The following DPP10 variants were observed in gnomAD, a reference collection of about 807,000 sequenced individuals.
DPP10 encodes inactive dipeptidyl peptidase 10.
A neutral mutation model predicts 120.9 loss-of-function variants in DPP10; 33 were observed. That is an observed-to-expected ratio of 0.27 (90% CI 0.21 to 0.37). The LOEUF (loss-of-function observed/expected upper bound fraction) is 0.37, where lower values mean the gene tolerates loss of function less well. DPP10 is among the 10% of genes least tolerant of loss of function. The probability of loss-of-function intolerance (pLI) is 1.00; values close to 1 mark genes in which losing one functional copy is unlikely to be tolerated. For synonymous variants in DPP10, 337 were observed against 326.1 expected (o/e 1.03, Z -0.36); for missense variants, 816 against 942.8 (o/e 0.87, Z 1.76).
chr2:115,380,337 G>C (rs1262454957), intron 3 of DPP10, among the ~76,000 whole-genome samples: 1 of 152,072 alleles, frequency 6.6e-6, no homozygotes, highest in Non-Finnish European at 1.5e-5. Flanking sequence ...GATCTTTGTT[G>C]GTTTAAAGTA....
chr2:115,527,037 T>C (rs924637852), intron 5 of DPP10, among the ~76,000 whole-genome samples: 2 of 152,110 alleles, frequency 1.3e-5, no homozygotes, highest in Non-Finnish European at 2.9e-5. Context: ...TAAAATATTA[T>C]GCTAAAAAGT....
At chr2:115,569,838 A>T (rs2081237274) in intron 5 of DPP10, among the ~76,000 whole-genome samples, 1 of 152,254 alleles carries the variant, frequency 6.6e-6, no homozygotes, top group Admixed American at 6.5e-5. Flanking sequence ...ATTATTGTTA[A>T]GAATTAATTT....
intron 1 of DPP10, among the ~76,000 whole-genome samples, chr2:115,005,736 T>A (rs1701774902): frequency 6.6e-6 from 1 of 152,018 alleles, no homozygotes; most frequent in South Asian, 2.1e-4. Flanking sequence ...CAAATCTGCG[T>A]CTGATTGGTG....
chr2:115,497,317 T>C (rs756026901), intron 3 of DPP10, among the ~76,000 whole-genome samples: 1 of 152,078 alleles, frequency 6.6e-6, no homozygotes, highest in Non-Finnish European at 1.5e-5. Flanking sequence ...AACTATAAAC[T>C]AAATTTCACC....
intron 1 of DPP10, among the ~76,000 whole-genome samples, chr2:115,153,146 GTAA>G (rs913749937): frequency 9.9e-5 from 15 of 152,112 alleles, no homozygotes; most frequent in African/African-American, 3.6e-4. Context: ...ATACTGAAGA[GTAA>G]TAATGCTTGT....
intron 1 of DPP10, among the ~76,000 whole-genome samples, chr2:115,226,205 C>G (rs573383930): frequency 1.3e-5 from 2 of 152,144 alleles, no homozygotes; most frequent in South Asian, 4.1e-4. Flanking sequence ...GCTCGACTGT[C>G]TAGGGATTAT....
intron 1 of DPP10, among the ~76,000 whole-genome samples, chr2:114,953,699 T>C (rs1173017939): frequency 2.0e-5 from 3 of 152,192 alleles, no homozygotes; most frequent in Admixed American, 1.3e-4. Flanking sequence ...TGCTATGTGC[T>C]ATAATTATGG....
Position 114,758,536 on chromosome 2 carries a change from C to T in DPP10, c.60+315698C>T, listed in dbSNP as rs565452184. On this transcript the variant is annotated intron_variant, in intron 1 of 25. Coordinates refer to ENST00000410059, the MANE Select transcript of DPP10 (RefSeq NM_020868.6). The stretch of plus-strand genomic sequence containing the variant: ...GTGAATGATAAATCAGAGGGCCAGG[C>T]CTATATTACTCATGACATTGTAATA... Among the ~76,000 whole-genome samples the T allele has an allele frequency of 1.1e-4, 17 of 152,244 alleles. No individual in the cohort carries two copies. In the South Asian group the frequency reaches 3.3e-3, roughly 30 times the overall value.
intron 4 of DPP10, among the ~76,000 whole-genome samples, chr2:115,518,804 G>A (rs1403842367): frequency 6.6e-6 from 1 of 152,074 alleles, no homozygotes; most frequent in Non-Finnish European, 1.5e-5. Flanking sequence ...TAAGGCCATG[G>A]TGAGGAAAAC....
At position 114,908,514 on chromosome 2, in the gene DPP10, A is replaced by G. The variant is rs181359324; in HGVS notation, c.61-400725A>G. The stretch of plus-strand genomic sequence containing the variant: ...ACCTTACCTTATGAGAATTAGCATC[A>G]GACTTATACTATCTTAATTCCAGTG... On this transcript the variant is annotated intron_variant, in intron 1 of 25. Coordinates refer to ENST00000410059, the MANE Select transcript of DPP10 (RefSeq NM_020868.6). 5.7e-3 allele frequency among the ~76,000 whole-genome samples: 869 copies of G among 152,044 alleles called. 5 individuals are homozygous for G. The highest frequency in any genetic ancestry group is 9.2e-3 in the Non-Finnish European group (626 of 67,816).
intron 8 of DPP10, among the ~76,000 whole-genome samples, chr2:115,734,925 C>T (rs1228353139): frequency 6.6e-6 from 1 of 152,086 alleles, no homozygotes; most frequent in Non-Finnish European, 1.5e-5. Flanking sequence ...AATGCCACAA[C>T]CGTGGCTTGT....
At chr2:115,145,080 A>G (rs1174205436) in intron 1 of DPP10, 1 of 152,118 alleles carries the variant, frequency 6.6e-6, no homozygotes, top group African/African-American at 2.4e-5. Context: ...CTTGCGATCA[A>G]AAAGTTTGTA....
intron 1 of DPP10, among the ~76,000 whole-genome samples, chr2:114,931,142 C>T (rs554913806): frequency 1.5e-4 from 23 of 152,318 alleles, no homozygotes; most frequent in East Asian, 3.9e-4. Flanking sequence ...TCCAAAACCA[C>T]TTCCACATTT....
intron 1 of DPP10, among the ~76,000 whole-genome samples, chr2:114,690,459 C>G (rs1051699149): frequency 6.6e-6 from 1 of 151,784 alleles, no homozygotes; most frequent in Non-Finnish European, 1.5e-5. Flanking sequence ...TTCTTGTACC[C>G]GTACCATGCT....
chr2:115,826,768 C>T (rs928968938), intron 21 of DPP10, among the ~76,000 whole-genome samples: 2 of 152,162 alleles, frequency 1.3e-5, no homozygotes, highest in Non-Finnish European at 2.9e-5. Context: ...GCCACTCCAT[C>T]TTTCTTTGGA....
At chr2:115,167,946 C>T (rs2053026521) in intron 1 of DPP10, among the ~76,000 whole-genome samples, 1 of 152,084 alleles carries the variant, frequency 6.6e-6, no homozygotes, top group Non-Finnish European at 1.5e-5. Flanking sequence ...ATATTGTTTT[C>T]AATGCAATGT....
At chr2:115,346,251 T>C (rs555062427) in intron 3 of DPP10, among the ~76,000 whole-genome samples, 19 of 152,338 alleles carry the variant, frequency 1.2e-4, no homozygotes, top group African/African-American at 4.6e-4. Context: ...TCAACAGTTA[T>C]ATCTAAATGT....
intron 1 of DPP10, among the ~76,000 whole-genome samples, chr2:115,140,655 G>A (rs2050880768): frequency 6.6e-6 from 1 of 152,180 alleles, no homozygotes; most frequent in African/African-American, 2.4e-5. Context: ...GCTAACAACA[G>A]TAGTGAGAAA....
At chr2:114,608,495 T>C (rs184467592) in intron 1 of DPP10, among the ~76,000 whole-genome samples, 35 of 152,300 alleles carry the variant, frequency 2.3e-4, no homozygotes, top group African/African-American at 7.7e-4. Context: ...TCTATCATAT[T>C]TATATGAATT....
Sources: gnomAD v4.1 joint callset for allele counts (sites outside exome capture counted in the v4.1 genomes callset) on GRCh38, gnomAD v4.1.1 for gene constraint, MANE v1.5 for transcripts, NCBI Gene and HGNC (gene_info 2026-07-23, HGNC 2026-07-21) for gene names.